VPS54: variants seen among roughly 807,000 people sequenced by gnomAD.
The protein encoded by VPS54 is VPS54 subunit of GARP complex, also known as vacuolar protein sorting-associated protein 54.
A neutral mutation model predicts 121.5 loss-of-function variants in VPS54; 45 were observed. The ratio of observed to expected loss-of-function variants is 0.37; its 90% CI spans 0.29 to 0.47. The LOEUF (loss-of-function observed/expected upper bound fraction) is 0.47, where lower values mean the gene tolerates loss of function less well. Ranked by LOEUF, VPS54 falls within the 20% of genes least tolerant of loss-of-function variation. The pLI is 0.99. For missense variants in VPS54, 1,090 were observed against 1,131.4 expected, an observed-to-expected ratio of 0.96 and a Z score of 0.52; for synonymous variants, 371 against 385.8, an observed-to-expected ratio of 0.96 and a Z score of 0.45.
intron 1 of VPS54, among the ~76,000 whole-genome samples, chr2:64,006,186 A>ATGAC (rs1482890466): frequency 6.6e-6 from 1 of 152,248 alleles, no homozygotes; most frequent in Admixed American, 6.5e-5. Context: ...AATAAACTGC[A>ATGAC]TGACTATTCA....
intron 1 of VPS54, among the ~76,000 whole-genome samples, chr2:63,993,809 A>G (rs79948778): frequency 1.8e-4 from 27 of 152,202 alleles, no homozygotes; most frequent in Admixed American, 5.9e-4. Flanking sequence ...TGAGGCTGTT[A>G]CAGTGTTCAC....
intron 17 of VPS54, among the ~76,000 whole-genome samples, chr2:63,913,569 T>C (rs1379709726): frequency 2.0e-5 from 3 of 152,216 alleles, no homozygotes; most frequent in South Asian, 2.1e-4. Flanking sequence ...TTAATTTGCA[T>C]GTACAAAACA....
chr2:63,999,867 G>A (rs145263637), intron 1 of VPS54, among the ~76,000 whole-genome samples: 20 of 151,764 alleles, frequency 1.3e-4, no homozygotes, highest in Middle Eastern at 6.8e-3. Flanking sequence ...ATCAACTGCC[G>A]TTTTTTGTTT....
At chr2:63,948,926 T>A (rs545982908) in intron 8 of VPS54, 111 bp downstream of exon 8, 1 of 1,347,662 alleles carries the variant, frequency 7.4e-7, no homozygotes, top group South Asian at 1.4e-5. Flanking sequence ...ATAGGTCTGA[T>A]AGCCCTTGAA....
chr2:63,921,400 C>T, intron 12 of VPS54, 65 bp from the exon 13 acceptor site: 1 of 1,515,730 alleles, frequency 6.6e-7, no homozygotes, highest in Non-Finnish European at 8.9e-7. Context: ...CACAGGTGAC[C>T]TATCAATAAA....
intron 12 of VPS54, among the ~76,000 whole-genome samples, chr2:63,928,866 A>G (rs1674048275): frequency 6.6e-6 from 1 of 151,882 alleles, no homozygotes; most frequent in African/African-American, 2.4e-5. Flanking sequence ...AGGGGTTGCA[A>G]TCTTGGTCTC....
At chr2:63,927,601 TCTC>T (rs1451753211) in intron 12 of VPS54, among the ~76,000 whole-genome samples, 1 of 152,000 alleles carries the variant, frequency 6.6e-6, no homozygotes, top group African/African-American at 2.4e-5. Flanking sequence ...GAATACCTCT[TCTC>T]CTCCAAAGGA....
rs1010109900 is a variant in VPS54 at position 63,981,826 on chromosome 2, T to C, written c.198A>G (p.Val66=). The change falls in exon 3 of 23, where the codon GTA becomes GTG. Residue 66 remains valine, a synonymous_variant. Coordinates refer to ENST00000272322, the MANE Select transcript of VPS54 (RefSeq NM_016516.3). ...CTGGGAGATTTACTTTGGAATGATA[T>C]ACAGTCCATCTATGTTGATCTGTAA... The part of the protein sequence containing the change: ...SLVTDQHRWT[V]YHSKVNLPAA... The C allele has an allele frequency of 2.1e-5, 34 of 1,613,576 alleles. No individual in the cohort carries two copies. The highest frequency in any genetic ancestry group is 2.8e-5 in the Non-Finnish European group (33 of 1,179,704).
intron 22 of VPS54, among the ~76,000 whole-genome samples, chr2:63,894,969 GGGTGTAAA>G: frequency 6.6e-6 from 1 of 152,160 alleles, no homozygotes. Context: ...ACTGCAGATG[GGGTGTAAA>G]GGTGTACTTA....
chr2:63,994,541 C>T (rs1576003171), intron 1 of VPS54, among the ~76,000 whole-genome samples: 2 of 152,148 alleles, frequency 1.3e-5, no homozygotes, highest in Non-Finnish European at 2.9e-5. Flanking sequence ...TTAATGTTAC[C>T]ATGGGTTACA....
At chr2:63,945,710 C>CT (rs1674947509) in intron 9 of VPS54, among the ~76,000 whole-genome samples, 1 of 152,066 alleles carries the variant, frequency 6.6e-6, no homozygotes, top group Non-Finnish European at 1.5e-5. Context: ...ATATTCAAAA[C>CT]TGTTCAAAAT....
At chr2:63,995,610 A>G (rs1451025398) in intron 1 of VPS54, among the ~76,000 whole-genome samples, 1 of 152,258 alleles carries the variant, frequency 6.6e-6, no homozygotes, top group Non-Finnish European at 1.5e-5. Context: ...CAATTCCACC[A>G]AATGTTGAAT....
At chr2:63,893,992 G>C (rs1298683322) in intron 22 of VPS54, among the ~76,000 whole-genome samples, 1 of 152,126 alleles carries the variant, frequency 6.6e-6, no homozygotes, top group Non-Finnish European at 1.5e-5. Context: ...AGCGATACTG[G>C]ATATTTCTTT....
At position 63,991,711 on chromosome 2, in the gene VPS54, G is replaced by A. The variant is rs373700580; in HGVS notation, c.-20-7692C>T. On this transcript the variant is annotated intron_variant, in intron 1 of 22. Coordinates refer to ENST00000272322, the MANE Select transcript of VPS54 (RefSeq NM_016516.3). ...ATGGAAACCCCCTACCACAGAACCAGGGAAATGGGAAGTGGGACCAGTCCC... is the reference window on the plus strand; with the variant it reads ...ATGGAAACCCCCTACCACAGAACCAAGGAAATGGGAAGTGGGACCAGTCCC... Among the ~76,000 whole-genome samples the A allele has an allele frequency of 4.6e-5, 7 of 152,132 alleles. No homozygotes were observed. The East Asian group carries it at 9.6e-4, about 21-fold the overall frequency.
chr2:63,983,614 T>C (rs955512637), intron 2 of VPS54, among the ~76,000 whole-genome samples: 4 of 151,620 alleles, frequency 2.6e-5, no homozygotes, highest in Non-Finnish European at 5.9e-5. Context: ...GGCTAATTTT[T>C]TGTAGTTTTA....
At chr2:63,897,694 T>C in intron 21 of VPS54, 104 bp from the exon 22 acceptor site, 1 of 642,872 alleles carries the variant, frequency 1.6e-6, no homozygotes, top group Non-Finnish European at 2.5e-6. Context: ...CCAAAACCTT[T>C]GCTTTGACAT....
At chr2:64,007,380 A>T (rs534083605) in intron 1 of VPS54, among the ~76,000 whole-genome samples, 1 of 152,340 alleles carries the variant, frequency 6.6e-6, no homozygotes, top group East Asian at 1.9e-4. Flanking sequence ...ATGGAAGTAG[A>T]GTAGACGAGA....
intron 20 of VPS54, among the ~76,000 whole-genome samples, chr2:63,904,694 A>C (rs1672833896): frequency 6.6e-6 from 1 of 152,056 alleles, no homozygotes; most frequent in African/African-American, 2.4e-5. Context: ...CTACCAACCA[A>C]CACCACTTAG....
At chr2:63,950,345 G>A (rs937398620) in intron 7 of VPS54, among the ~76,000 whole-genome samples, 1 of 152,090 alleles carries the variant, frequency 6.6e-6, no homozygotes, top group Non-Finnish European at 1.5e-5. Context: ...TGTGTAATGA[G>A]CTGTAAAGGT....
Sources: gnomAD v4.1 joint callset for allele counts (sites outside exome capture counted in the v4.1 genomes callset) on GRCh38, gnomAD v4.1.1 for gene constraint, MANE v1.5 for transcripts, NCBI Gene and HGNC (gene_info 2026-07-23, HGNC 2026-07-21) for gene names.